Variants in TBCE observed in about 807,000 individuals in gnomAD.
TBCE encodes the protein tubulin-specific chaperone E.
A neutral mutation model predicts 77.0 loss-of-function variants in TBCE; 53 were observed. That is an observed-to-expected ratio of 0.69 (90% CI 0.55 to 0.87). The LOEUF is 0.87. Ranked by LOEUF, TBCE falls within the 40% of genes least tolerant of loss-of-function variation. The pLI is 0.00. For synonymous variants in TBCE, 235 were observed against 241.3 expected (o/e 0.97, Z 0.24); for missense variants, 624 against 622.4 (o/e 1.00, Z -0.03).
At chr1:235,367,747 G>A (rs531002369) in intron 1 of TBCE, among the ~76,000 whole-genome samples, 4 of 152,318 alleles carry the variant, frequency 2.6e-5, no homozygotes, top group East Asian at 1.9e-4. Context: ...TTCTCTCAGA[G>A]AATTGGCATG....
At chr1:235,437,602 A>G (rs894450967) in intron 12 of TBCE, 128 bp downstream of exon 12, 2 of 1,097,120 alleles carry the variant, frequency 1.8e-6, no homozygotes, top group Admixed American at 2.2e-5. Context: ...GCTGCAGTCC[A>G]GGAGTTTGAG....
At position 235,449,191 on chromosome 1, in the gene TBCE, T is replaced by C. The variant is rs1350319828; in HGVS notation, c.*429T>C. On this transcript the variant is annotated 3_prime_UTR_variant, in exon 17 of 17. Coordinates refer to ENST00000642610, the MANE Select transcript of TBCE (RefSeq NM_003193.5). ...TCATTTTGGGAAATGTCCCTTAAACTTGGGGAGACATCCTCTACTATGTAT... is the reference window on the plus strand; with the variant it reads ...TCATTTTGGGAAATGTCCCTTAAACCTGGGGAGACATCCTCTACTATGTAT... The C allele has an allele frequency of 8.1e-6, 2 of 247,988 alleles. No homozygotes were observed. Among genetic ancestry groups the C allele is most frequent in the Non-Finnish European group, 1.6e-5 (2 of 126,438 alleles). 15.4% of individuals were successfully genotyped at this position (247,988 alleles called of 1,614,324 possible). A position where few individuals can be genotyped will look rare whatever the true frequency, so the allele number is the denominator to read the frequency against.
At chr1:235,398,967 T>G (rs1205435565) in intron 2 of TBCE, among the ~76,000 whole-genome samples, 1 of 151,178 alleles carries the variant, frequency 6.6e-6, no homozygotes, top group African/African-American at 2.4e-5. Context: ...CTTTTTTTCT[T>G]TTTTGAGACA....
At chr1:235,372,243 C>G (rs1418807845) in intron 1 of TBCE, among the ~76,000 whole-genome samples, 1 of 151,934 alleles carries the variant, frequency 6.6e-6, no homozygotes, top group African/African-American at 2.4e-5. Context: ...TTTTTAGTTG[C>G]AACGGGATTT....
intron 12 of TBCE, among the ~76,000 whole-genome samples, chr1:235,437,862 A>G (rs1465907801): frequency 6.6e-6 from 1 of 151,768 alleles, no homozygotes; most frequent in Non-Finnish European, 1.5e-5. Context: ...ATTTTTGAAT[A>G]TTGTAAAGGG....
intron 4 of TBCE, chr1:235,419,071 G>A (rs531911417): frequency 6.7e-6 from 2 of 296,422 alleles, no homozygotes; most frequent in Non-Finnish European, 1.3e-5. Flanking sequence ...GCCAGGTGTG[G>A]TAGCAAGCGC....
At position 235,436,557 on chromosome 1, in the gene TBCE, C is replaced by T. The variant is rs1681462337; in HGVS notation, c.912C>T (p.Ser304=). 2.5e-6 allele frequency: 4 copies of T among 1,613,858 alleles called. No individual in the cohort carries two copies. Among genetic ancestry groups the T allele is most frequent in the East Asian group, 2.2e-5 (1 of 44,884 alleles). ...FPDAGIGCKT[S]MFPSLKYLVV... Reference sequence around the variant, plus strand: ...CTCTTTTTATAGGGTGCAAAACGTCCATGTTCCCATCCTTGAAGTACCTGG... The same window carrying T: ...CTCTTTTTATAGGGTGCAAAACGTCTATGTTCCCATCCTTGAAGTACCTGG... The change falls in exon 11 of 17, where the codon TCC becomes TCT. Residue 304 remains serine, a synonymous_variant. Transcript: ENST00000642610.
chr1:235,414,392 T>C, intron 3 of TBCE, 41 bp from the exon 4 acceptor site: 1 of 1,603,342 alleles, frequency 6.2e-7, no homozygotes, highest in South Asian at 1.1e-5. Flanking sequence ...CCTTTCTTGG[T>C]GGGTAATATT....
chr1:235,439,054 T>C, intron 13 of TBCE, 132 bp downstream of exon 13: 4 of 1,301,706 alleles, frequency 3.1e-6, no homozygotes, highest in Non-Finnish European at 4.4e-6. Flanking sequence ...TGTATTCATC[T>C]GAATGGACTA....
intron 7 of TBCE, 104 bp from the exon 8 acceptor site, chr1:235,434,100 G>A: frequency 9.9e-7 from 1 of 1,009,566 alleles, no homozygotes; most frequent in African/African-American, 1.6e-5. Context: ...GCACTTGTTT[G>A]CTGAAACAGT....
rs368890272 is a variant in TBCE at position 235,399,269 on chromosome 1, C to T, written c.101-2234C>T. ...CAAGCCTAGAGATGATTATTTTTACCTTGTGTTTCTTCTCCATTAGTTTGG... is the reference window on the plus strand; with the variant it reads ...CAAGCCTAGAGATGATTATTTTTACTTTGTGTTTCTTCTCCATTAGTTTGG... On this transcript the variant is annotated intron_variant, in intron 2 of 16. Coordinates refer to ENST00000642610, the MANE Select transcript of TBCE (RefSeq NM_003193.5). 2.0e-5 allele frequency among the ~76,000 whole-genome samples: 3 copies of T among 152,254 alleles called. No homozygotes were observed. In the East Asian group the frequency reaches 5.8e-4, roughly 29 times the overall value.
At chr1:235,370,088 G>A (rs6660211) in intron 1 of TBCE, among the ~76,000 whole-genome samples, 83,359 of 151,718 alleles carry the variant, frequency 0.55, 23,426 homozygotes, top group East Asian at 0.74. Context: ...TCTCTGACAA[G>A]CCACTGCCAT....
At chr1:235,386,565 A>C (rs1412628409) in intron 2 of TBCE, among the ~76,000 whole-genome samples, 1 of 151,990 alleles carries the variant, frequency 6.6e-6, no homozygotes, top group Non-Finnish European at 1.5e-5. Context: ...TCCATCACTG[A>C]TACCCTTTCT....
At chr1:235,419,399 G>A (rs985386054) in intron 4 of TBCE, 74 bp from the exon 5 acceptor site, 3 of 1,607,688 alleles carry the variant, frequency 1.9e-6, no homozygotes, top group South Asian at 2.2e-5. Flanking sequence ...TGTCTGAAAT[G>A]TGTTTAATTT....
chr1:235,430,759 A>G lies in TBCE; in HGVS notation c.615A>G (p.Val205=), dbSNP rs778529540. The change falls in exon 7 of 17, where the codon GTA becomes GTG. Residue 205 remains valine (V), a synonymous_variant. Transcript: ENST00000642610. The part of the protein sequence containing the change: ...SGSVLTGTLS[V]LKVLVLNQTG... Reference sequence around the variant, plus strand: ...CAGTATTAACTGGAACGCTTTCTGTACTGAAGGTTTTAGTCCTCAATCAAA... The same window carrying G: ...CAGTATTAACTGGAACGCTTTCTGTGCTGAAGGTTTTAGTCCTCAATCAAA... 1 of 1,613,726 alleles carries G rather than the reference A, an allele frequency of 6.2e-7. No homozygotes were observed. The highest frequency in any genetic ancestry group is 1.1e-5 in the South Asian group (1 of 91,072).
At chr1:235,447,002 CTT>C (rs1244297445) in intron 15 of TBCE, among the ~76,000 whole-genome samples, 1 of 152,078 alleles carries the variant, frequency 6.6e-6, no homozygotes, top group East Asian at 1.9e-4. Context: ...TATGACCAAA[CTT>C]TTTGTTTCTG....
At chr1:235,434,330 G>T in intron 8 of TBCE, 50 bp downstream of exon 8, 1 of 1,490,830 alleles carries the variant, frequency 6.7e-7, no homozygotes, top group Non-Finnish European at 9.4e-7. Context: ...TCATCATTCT[G>T]AGTAAATAAA....
intron 1 of TBCE, among the ~76,000 whole-genome samples, chr1:235,368,980 C>T (rs182904825): frequency 6.6e-6 from 1 of 152,128 alleles, no homozygotes; most frequent in Admixed American, 6.6e-5. Flanking sequence ...CCATATATAT[C>T]AGCAAATCCT....
At chr1:235,424,856 G>C (rs1198888476) in intron 5 of TBCE, among the ~76,000 whole-genome samples, 1 of 152,166 alleles carries the variant, frequency 6.6e-6, no homozygotes, top group East Asian at 1.9e-4. Context: ...GGCCAGGCTG[G>C]TCTCGAACTC....
Sources: gnomAD v4.1 joint callset for allele counts (sites outside exome capture counted in the v4.1 genomes callset) on GRCh38, gnomAD v4.1.1 for gene constraint, MANE v1.5 for transcripts, NCBI Gene and HGNC (gene_info 2026-07-23, HGNC 2026-07-21) for gene names.